Variants in MED12L observed in about 807,000 individuals in gnomAD.
MED12L encodes the protein mediator of RNA polymerase II transcription subunit 12-like protein.
A neutral mutation model predicts 281.3 loss-of-function variants in MED12L; 60 were observed. The observed-to-expected ratio is 0.21, with a 90% CI of 0.17 to 0.26. The LOEUF (loss-of-function observed/expected upper bound fraction) is 0.26, where lower values mean the gene tolerates loss of function less well. Ranked by LOEUF, MED12L falls within the 10% of genes least tolerant of loss-of-function variation. The probability of loss-of-function intolerance (pLI) is 1.00; values close to 1 mark genes in which losing one functional copy is unlikely to be tolerated. For synonymous variants in MED12L, 974 were observed against 987.2 expected (o/e 0.99, Z 0.25); for missense variants, 2,146 against 2,680.9 (o/e 0.80, Z 4.41).
intron 6 of MED12L, among the ~76,000 whole-genome samples, chr3:151,157,117 T>TAAAAAA (rs1305898835): frequency 1.6e-4 from 24 of 152,218 alleles, no homozygotes; most frequent in African/African-American, 5.8e-4. Context: ...ACTTTAGTGC[T>TAAAAAA]GCCCTGAGCT....
chr3:151,090,351 G>C (rs1719866475), intron 2 of MED12L, among the ~76,000 whole-genome samples: 1 of 152,150 alleles, frequency 6.6e-6, no homozygotes, highest in Non-Finnish European at 1.5e-5. Context: ...TTGCTGTCAT[G>C]AACTACTGTC....
intron 16 of MED12L, among the ~76,000 whole-genome samples, chr3:151,248,158 T>G (rs1736112663): frequency 6.6e-6 from 1 of 152,030 alleles, no homozygotes; most frequent in African/African-American, 2.4e-5. Flanking sequence ...GTTTGTTATT[T>G]AAATGTTTAA....
At chr3:151,335,430 G>A (rs1285778852) in intron 16 of MED12L, among the ~76,000 whole-genome samples, 2 of 152,096 alleles carry the variant, frequency 1.3e-5, no homozygotes, top group Non-Finnish European at 2.9e-5. Context: ...TTGGCCTGTG[G>A]GCTATAGTTT....
chr3:151,179,470 T>A (rs1177162489), intron 11 of MED12L, among the ~76,000 whole-genome samples: 21 of 152,218 alleles, frequency 1.4e-4, no homozygotes, highest in Admixed American at 1.4e-3. Flanking sequence ...AATTTTGTTT[T>A]TCTTATGTCC....
chr3:151,403,197 G>C (rs1415838618), intron 39 of MED12L, among the ~76,000 whole-genome samples: 1 of 152,006 alleles, frequency 6.6e-6, no homozygotes, highest in Non-Finnish European at 1.5e-5. Flanking sequence ...TTTAATGGAA[G>C]TTTTTTTCTG....
At chr3:151,394,979 G>A (rs2108258765) in intron 39 of MED12L, 112 bp downstream of exon 39, 4 of 1,353,808 alleles carry the variant, frequency 3.0e-6, no homozygotes, top group Non-Finnish European at 4.0e-6. Context: ...CTGTATACTT[G>A]TGTGAGTGCA....
At chr3:151,348,741 C>G (rs180992020) in intron 16 of MED12L, among the ~76,000 whole-genome samples, 1 of 152,238 alleles carries the variant, frequency 6.6e-6, no homozygotes, top group East Asian at 1.9e-4. Context: ...CTGAGAAAGA[C>G]AGACCGACAC....
At chr3:151,271,031 T>C (rs1453732268) in intron 16 of MED12L, among the ~76,000 whole-genome samples, 4 of 148,080 alleles carry the variant, frequency 2.7e-5, no homozygotes, top group Admixed American at 2.7e-4. Context: ...AAAAAAAAAA[T>C]CCCCAAATTT....
rs747048119 is a variant in MED12L at position 151,368,231 on chromosome 3, G to C, written c.3530G>C (p.Cys1177Ser). Residue 1177 changes from cysteine (C) to serine (S), a missense_variant, in exon 25 of 45, where the codon TGC (cysteine) becomes TCC (serine). By Grantham distance (112) the Cys-to-Ser change is moderately radical (BLOSUM62 -1). Around this residue, in one of 9 missense-constraint regions of MED12L, gnomAD observed 404 missense variants for 603.5 expected, o/e 0.67. Coordinates refer to ENST00000687756, the MANE Select transcript of MED12L (RefSeq NM_001393769.1). Reference sequence around the variant, plus strand: ...CATCTCTTCCGAGCTCCCCAGGCCTGCTTCTTACCTCAAGCAACGGGTGAG... The same window carrying C: ...CATCTCTTCCGAGCTCCCCAGGCCTCCTTCTTACCTCAAGCAACGGGTGAG... ...LLHLFRAPQA[C>S]FLPQATGKPF... 1.9e-5 allele frequency: 30 copies of C among 1,613,846 alleles called. No homozygotes were observed. The Admixed American group carries it at 2.8e-4, about 15-fold the overall frequency.
At chr3:151,399,456 T>G (rs558200483) in intron 39 of MED12L, among the ~76,000 whole-genome samples, 1 of 152,348 alleles carries the variant, frequency 6.6e-6, no homozygotes, top group East Asian at 1.9e-4. Context: ...CCTCATTTGC[T>G]TAGTGGTTAC....
In MED12L at chr3:151,436,634, A is replaced by T; in HGVS notation, c.*3830A>T. ...ACATGCCTATGGCTGCCTTTGATTA[A>T]ACTTCTTCCAAAAAATAAATTCTGC... On this transcript the variant is annotated 3_prime_UTR_variant, in exon 45 of 45. Transcript: ENST00000687756. 11 of 1,309,128 alleles carry T rather than the reference A, an allele frequency of 8.4e-6. No individual in the cohort carries two copies. The highest frequency in any genetic ancestry group is 1.2e-5 in the Non-Finnish European group (11 of 943,380). 81.1% of individuals were successfully genotyped at this position (1,309,128 alleles called of 1,614,324 possible). A position where few individuals can be genotyped will look rare whatever the true frequency, so the allele number is the denominator to read the frequency against.
At chr3:151,093,604 C>T (rs1720344868) in intron 2 of MED12L, among the ~76,000 whole-genome samples, 1 of 152,172 alleles carries the variant, frequency 6.6e-6, no homozygotes. Flanking sequence ...TAGTTACTTT[C>T]CTCCTTGAAG....
At chr3:151,218,055 A>G (rs1026040100) in intron 16 of MED12L, among the ~76,000 whole-genome samples, 2 of 152,246 alleles carry the variant, frequency 1.3e-5, no homozygotes, top group Non-Finnish European at 2.9e-5. Flanking sequence ...TCCTCTCCTT[A>G]TCTTTAGTAC....
At chr3:151,133,641 A>G (rs1250953941) in intron 5 of MED12L, among the ~76,000 whole-genome samples, 1 of 152,188 alleles carries the variant, frequency 6.6e-6, no homozygotes, top group Admixed American at 6.5e-5. Context: ...GATGTTTAGA[A>G]AATGTCATGA....
At chr3:151,298,650 G>A (rs1230621794) in intron 16 of MED12L, among the ~76,000 whole-genome samples, 1 of 152,132 alleles carries the variant, frequency 6.6e-6, no homozygotes, top group Non-Finnish European at 1.5e-5. Flanking sequence ...CCATGTGTGA[G>A]GGTGGTATTT....
At chr3:151,387,478 A>G (rs1402652882) in intron 36 of MED12L, among the ~76,000 whole-genome samples, 1 of 152,246 alleles carries the variant, frequency 6.6e-6, no homozygotes, top group Admixed American at 6.5e-5. Context: ...AGTAAGATTA[A>G]CTTTGCAGTG....
intron 16 of MED12L, among the ~76,000 whole-genome samples, chr3:151,230,175 C>T (rs569587823): frequency 7.8e-4 from 118 of 152,104 alleles, no homozygotes; most frequent in Non-Finnish European, 1.4e-3. Flanking sequence ...GGGATTTCAC[C>T]GTGTTAGCCA....
At chr3:151,408,585 C>G (rs774721991) in intron 39 of MED12L, among the ~76,000 whole-genome samples, 1 of 152,138 alleles carries the variant, frequency 6.6e-6, no homozygotes, top group Non-Finnish European at 1.5e-5. Flanking sequence ...CATACCATTG[C>G]TCTTGTGAAT....
intron 16 of MED12L, among the ~76,000 whole-genome samples, chr3:151,242,084 A>G (rs1428487953): frequency 1.3e-5 from 2 of 152,120 alleles, no homozygotes; most frequent in East Asian, 3.9e-4. Flanking sequence ...AAAACGGGGC[A>G]CCACGAGATT....
Sources: gnomAD v4.1 joint callset for allele counts (sites outside exome capture counted in the v4.1 genomes callset) on GRCh38, gnomAD v4.1.1 for gene constraint, gnomAD v4.1.1 regional missense constraint, MANE v1.5 for transcripts, NCBI Gene and HGNC (gene_info 2026-07-23, HGNC 2026-07-21) for gene names.